HDAC5: variants seen among roughly 807,000 people sequenced by gnomAD.
HDAC5 encodes the protein histone deacetylase 5, also known as antigen NY-CO-9.
HDAC5 carries 25 observed loss-of-function variants against 133.3 expected under a neutral mutation model. The observed-to-expected ratio is 0.19, with a 90% CI of 0.14 to 0.26. The LOEUF (loss-of-function observed/expected upper bound fraction) is 0.26, where lower values mean the gene tolerates loss of function less well. Among genes scored for constraint, HDAC5 ranks in the 10% least tolerant of loss-of-function variants. The pLI is 1.00. For missense variants in HDAC5, 1,041 were observed against 1,460.5 expected (o/e 0.71, Z 4.68); for synonymous variants, 589 against 610.8 (o/e 0.96, Z 0.53).
chr17:44,088,331 C>G (rs1420857408), intron 12 of HDAC5, 56 bp downstream of exon 12: 2 of 1,521,238 alleles, frequency 1.3e-6, no homozygotes, highest in East Asian at 4.9e-5. Context: ...CAGCCTGGTA[C>G]TCTCCTGTGT....
intron 16 of HDAC5, among the ~76,000 whole-genome samples, chr17:44,084,089 T>G (rs1216664369): frequency 6.6e-6 from 1 of 151,204 alleles, no homozygotes; most frequent in African/African-American, 2.4e-5. Context: ...CGCACCACTG[T>G]ACTCCAGCCT....
At chr17:44,095,458 C>T (rs1395944122) in intron 3 of HDAC5, among the ~76,000 whole-genome samples, 3 of 152,026 alleles carry the variant, frequency 2.0e-5, no homozygotes, top group Non-Finnish European at 4.4e-5. Context: ...ACCCTCTGTC[C>T]CCTTCTGGGG....
chr17:44,084,416 T>C (rs982968507), intron 16 of HDAC5, 139 bp downstream of exon 16: 123 of 1,013,162 alleles, frequency 1.2e-4, no homozygotes, highest in Non-Finnish European at 1.7e-4. Flanking sequence ...TGTGACGTGA[T>C]AATTGTGCCA....
At chr17:44,094,627 C>T (rs1021404402) in intron 3 of HDAC5, among the ~76,000 whole-genome samples, 3 of 151,886 alleles carry the variant, frequency 2.0e-5, no homozygotes, top group Admixed American at 6.6e-5. Flanking sequence ...ACAGAGCGAG[C>T]CTCCATCTCA....
Position 44,093,527 on chromosome 17 carries a change from G to A in HDAC5, c.355-42C>T, listed in dbSNP as rs372652129. On this transcript the variant is annotated intron_variant, in intron 4 of 26. Transcript: ENST00000682912. ...ACGGAGGCACAAGTGAGCCAGGCCCGGGCGGGGATCGGAGGTCTGGGCGGC... is the reference window on the plus strand; with the variant it reads ...ACGGAGGCACAAGTGAGCCAGGCCCAGGCGGGGATCGGAGGTCTGGGCGGC... 5.9e-5 allele frequency: 94 copies of A among 1,598,372 alleles called. 1 individual carries two copies. Among genetic ancestry groups the A allele is most frequent in the Middle Eastern group, 1.7e-4 (1 of 6,012 alleles).
At chr17:44,083,766 A>G (rs1419852279) in intron 17 of HDAC5, 39 bp downstream of exon 17, 1 of 1,592,226 alleles carries the variant, frequency 6.3e-7, no homozygotes, top group Admixed American at 1.7e-5. Flanking sequence ...GACCTAGGAG[A>G]GCCGCCCGCC....
chr17:44,101,410 CAAAAAAAAA>C (rs35671008), intron 3 of HDAC5, among the ~76,000 whole-genome samples: 6 of 66,796 alleles, frequency 9.0e-5, no homozygotes, highest in African/African-American at 4.1e-4. Context: ...GACTCCGTCT[CAAAAAAAAA>C]AAAAAAAAAA....
intron 11 of HDAC5, among the ~76,000 whole-genome samples, chr17:44,090,822 T>C (rs1195567132): frequency 1.3e-5 from 2 of 152,162 alleles, no homozygotes; most frequent in African/African-American, 4.8e-5. Context: ...CCTGAGTAGC[T>C]GGGACTACAG....
rs560931871 is a variant in HDAC5, at chr17:44,092,413, C to G, written c.887G>C (p.Arg296Thr). ...CCCGGCACCTGTGATCTCAACAGCT[C>G]TCTTCTTAAAGGTGCTAATAACAGT... ...DGTVISTFKK[R>T]AVEITGAGPG... is the part of the protein sequence containing the mutation. The change falls in exon 8 of 27, where the codon AGA (arginine) becomes ACA (threonine). Residue 296 changes from arginine (R) to threonine (T), a missense_variant. By Grantham distance (71) the Arg-to-Thr change is moderately conservative. Coordinates refer to ENST00000682912, the MANE Select transcript of HDAC5 (RefSeq NM_005474.5). The G allele has an allele frequency of 1.2e-6, 2 of 1,613,912 alleles. No homozygotes were observed. The highest frequency in any genetic ancestry group is 1.3e-5 in the African/African-American group (1 of 75,044).
In HDAC5 at chr17:44,093,207, C is replaced by A; in HGVS notation, c.527-1G>T. 1 of 1,609,478 alleles carries A rather than the reference C, an allele frequency of 6.2e-7. No homozygotes were observed. On this transcript the variant is annotated splice_acceptor_variant, in intron 5 of 26. Transcript: ENST00000682912. LOFTEE classifies it high-confidence loss of function. Reference sequence around the variant, plus strand: ...TTTACCTCAGTGCTGGCAATGGCACCTGCAGGACAGGGCACAACTGACCTG... The same window carrying A: ...TTTACCTCAGTGCTGGCAATGGCACATGCAGGACAGGGCACAACTGACCTG...
At position 44,092,813 on chromosome 17, in the gene HDAC5, T is replaced by TG. The variant is rs67111880; in HGVS notation, c.642-8dup. ...AGAAGCATGGTGGGCTCCCCTGGGGTGGGGGGGGGGTGGGGATGGAAGCAG... is the reference window on the plus strand; with the variant it reads ...AGAAGCATGGTGGGCTCCCCTGGGGTGGGGGGGGGGGTGGGGATGGAAGCAG... On this transcript the variant is annotated splice_region_variant and splice_polypyrimidine_tract_variant and intron_variant, in intron 6 of 26. Coordinates refer to ENST00000682912, the MANE Select transcript of HDAC5 (RefSeq NM_005474.5). 189 of 407,380 alleles carry TG rather than the reference T, an allele frequency of 4.6e-4. 1 individual carries two copies. The highest frequency in any genetic ancestry group is 4.3e-3 in the African/African-American group (162 of 37,506). The allele number at this position is 407,380 out of a possible 1,614,324, so 25.2% of individuals were successfully genotyped here.
At chr17:44,116,504 G>A (rs1350239421) in intron 2 of HDAC5, among the ~76,000 whole-genome samples, 2 of 152,188 alleles carry the variant, frequency 1.3e-5, no homozygotes, top group African/African-American at 2.4e-5. Context: ...GTACAATCCT[G>A]CAAATGGGTA....
Position 44,080,715 on chromosome 17 carries a change from C to T in HDAC5, c.2727+48G>A, listed in dbSNP as rs34165402. Reference sequence around the variant, plus strand: ...CTCCCCGCCAGGTCCCATTGTGCCACCTCCCAGAGGGGCCAGGAGGGTCTG... The same window carrying T: ...CTCCCCGCCAGGTCCCATTGTGCCATCTCCCAGAGGGGCCAGGAGGGTCTG... On this transcript the variant is annotated intron_variant, in intron 21 of 26. Coordinates refer to ENST00000682912, the MANE Select transcript of HDAC5 (RefSeq NM_005474.5). The T allele has an allele frequency of 2.2e-3, 3,533 of 1,613,066 alleles. 68 individuals are homozygous for T. In the African/African-American group the frequency reaches 0.042, roughly 19 times the overall value.
At chr17:44,120,883 C>G (rs1168431180) in intron 1 of HDAC5, among the ~76,000 whole-genome samples, 2 of 152,014 alleles carry the variant, frequency 1.3e-5, no homozygotes, top group Non-Finnish European at 2.9e-5. Context: ...AGTGCCTCCC[C>G]CAAGCTAGGC....
At chr17:44,093,936 G>A in intron 3 of HDAC5, 102 bp from the exon 4 acceptor site, 3 of 1,376,204 alleles carry the variant, frequency 2.2e-6, no homozygotes, top group Non-Finnish European at 2.8e-6. Flanking sequence ...GAGACCCAAA[G>A]AGAACAGAGA....
At chr17:44,114,501 G>A (rs866682652) in intron 2 of HDAC5, among the ~76,000 whole-genome samples, 3 of 152,206 alleles carry the variant, frequency 2.0e-5, no homozygotes, top group African/African-American at 4.8e-5. Flanking sequence ...GAAGGTTCTG[G>A]GAGGCGCTGG....
At chr17:44,094,131 T>C (rs898823217) in intron 3 of HDAC5, among the ~76,000 whole-genome samples, 5 of 152,020 alleles carry the variant, frequency 3.3e-5, no homozygotes, top group African/African-American at 1.2e-4. Context: ...GAGACCAGCC[T>C]GGTCAACATG....
In HDAC5 at chr17:44,091,829, C is replaced by T. The variant is rs1452295767; in HGVS notation, c.1035G>A (p.Met345Ile). ...GAGGGAGGGCTCGGTGCTGAGGGAG[C>T]ATCTGGGGAGCAGTCAGAAGAGACA... ...TGSVPNIPTE[M>I]LPQHRALPLD... Residue 345 changes from methionine (M) to isoleucine (I), a missense_variant and splice_region_variant, in exon 10 of 27, where the codon ATG (methionine) becomes ATA (isoleucine). Around this residue, in one of 9 missense-constraint regions of HDAC5, gnomAD observed 433 missense variants for 531.6 expected, o/e 0.81. Transcript: ENST00000682912. 4 of 1,554,578 alleles carry T rather than the reference C, an allele frequency of 2.6e-6. No homozygotes were observed. The highest frequency in any genetic ancestry group is 2.8e-5 in the African/African-American group (2 of 72,706).
chr17:44,111,125 G>A (rs755636986), intron 2 of HDAC5: 6 of 425,444 alleles, frequency 1.4e-5, no homozygotes, highest in African/African-American at 4.0e-5. Flanking sequence ...GGGTATGGCT[G>A]AGCACTTGGG....
Sources: allele counts gnomAD v4.1 joint callset (sites outside exome capture counted in the v4.1 genomes callset), GRCh38; gene constraint gnomAD v4.1.1; regional missense constraint gnomAD v4.1.1; transcripts MANE v1.5; gene names NCBI Gene and HGNC (gene_info 2026-07-23, HGNC 2026-07-21).